Variants in TTC28 observed in about 807,000 individuals in gnomAD.
TTC28 encodes tetratricopeptide repeat protein 28.
A neutral mutation model predicts 198.0 loss-of-function variants in TTC28; 61 were observed. The ratio of observed to expected loss-of-function variants is 0.31; its 90% CI spans 0.25 to 0.38. The LOEUF is 0.38. Among genes scored for constraint, TTC28 ranks in the 10% least tolerant of loss-of-function variants. The probability of loss-of-function intolerance (pLI) is 1.00; values close to 1 mark genes in which losing one functional copy is unlikely to be tolerated. For synonymous variants in TTC28, 1,171 were observed against 1,297.8 expected, an observed-to-expected ratio of 0.90 and a Z score of 2.10; for missense variants, 2,678 against 3,164.0, an observed-to-expected ratio of 0.85 and a Z score of 3.69.
chr22:28,139,130 T>C (rs1227926387), intron 6 of TTC28, among the ~76,000 whole-genome samples: 1 of 152,112 alleles, frequency 6.6e-6, no homozygotes, highest in Non-Finnish European at 1.5e-5. Context: ...AACAAACACA[T>C]TTAATGATGC....
intron 12 of TTC28, among the ~76,000 whole-genome samples, chr22:28,045,028 CTTG>C (rs764328597): frequency 4.6e-5 from 7 of 152,138 alleles, no homozygotes; most frequent in Non-Finnish European, 1.0e-4. Context: ...GGCCCCATTA[CTTG>C]TTGTCTTATT....
intron 14 of TTC28, among the ~76,000 whole-genome samples, chr22:28,003,396 G>A (rs994031629): frequency 6.6e-6 from 1 of 152,192 alleles, no homozygotes. Context: ...AATGGGTAGT[G>A]TGGGGCTTGA....
Position 28,534,389 on chromosome 22 carries a change from C to T in TTC28, c.381+95163G>A, listed in dbSNP as rs566351011. ...TACCATCTCACACCAGTTAGAATGGCGATCATTAAAAAGTCAGGAAACAAC... is the reference window on the plus strand; with the variant it reads ...TACCATCTCACACCAGTTAGAATGGTGATCATTAAAAAGTCAGGAAACAAC... On this transcript the variant is annotated intron_variant, in intron 2 of 22. Transcript: ENST00000397906. Among the ~76,000 whole-genome samples the T allele has an allele frequency of 4.2e-4, 64 of 152,200 alleles. No homozygotes were observed. In the South Asian group the frequency reaches 0.012, roughly 30 times the overall value.
chr22:28,512,007 G>C (rs372361594), intron 2 of TTC28, among the ~76,000 whole-genome samples: 1 of 151,714 alleles, frequency 6.6e-6, no homozygotes, highest in Non-Finnish European at 1.5e-5. Context: ...CGGAGTGAAC[G>C]GAAAACCTAC....
At chr22:28,618,924 G>C (rs967392607) in intron 2 of TTC28, among the ~76,000 whole-genome samples, 1 of 151,962 alleles carries the variant, frequency 6.6e-6, no homozygotes, top group Non-Finnish European at 1.5e-5. Context: ...AATAGGATCT[G>C]ATAAACTATT....
chr22:28,142,735 A>T (rs1601377332), intron 6 of TTC28, among the ~76,000 whole-genome samples: 1 of 152,200 alleles, frequency 6.6e-6, no homozygotes, highest in Non-Finnish European at 1.5e-5. Flanking sequence ...CTTTTCTGAC[A>T]TGCCTTGTCC....
At chr22:28,459,047 T>C (rs982753284) in intron 2 of TTC28, among the ~76,000 whole-genome samples, 7 of 151,960 alleles carry the variant, frequency 4.6e-5, no homozygotes, top group African/African-American at 1.7e-4. Context: ...GTGTGTGTGT[T>C]GACAGAGGGG....
intron 12 of TTC28, among the ~76,000 whole-genome samples, chr22:28,071,497 C>T (rs1940965341): frequency 6.7e-6 from 1 of 148,596 alleles, no homozygotes; most frequent in Non-Finnish European, 1.5e-5. Flanking sequence ...AAACCAAACA[C>T]CGCATATTCT....
chr22:28,528,123 A>T (rs953797226), intron 2 of TTC28, among the ~76,000 whole-genome samples: 2 of 152,230 alleles, frequency 1.3e-5, no homozygotes, highest in Admixed American at 1.3e-4. Context: ...AAACCACAGC[A>T]ATGGGGTAGA....
intron 2 of TTC28, among the ~76,000 whole-genome samples, chr22:28,434,654 C>G (rs899918734): frequency 1.3e-5 from 2 of 152,204 alleles, no homozygotes; most frequent in Non-Finnish European, 2.9e-5. Context: ...AAACAACAGT[C>G]TTACTTATGC....
intron 2 of TTC28, among the ~76,000 whole-genome samples, chr22:28,396,426 T>C (rs962469691): frequency 1.3e-5 from 2 of 152,240 alleles, no homozygotes; most frequent in African/African-American, 2.4e-5. Context: ...TTCTGAGTAA[T>C]CAGTTTGTGG....
chr22:28,526,163 C>T (rs2054661219), intron 2 of TTC28, among the ~76,000 whole-genome samples: 1 of 152,154 alleles, frequency 6.6e-6, no homozygotes, highest in African/African-American at 2.4e-5. Context: ...CCTCTTCAAA[C>T]TTCAATATTC....
chr22:28,410,472 C>T (rs1470628580), intron 2 of TTC28, among the ~76,000 whole-genome samples: 1 of 152,052 alleles, frequency 6.6e-6, no homozygotes, highest in East Asian at 1.9e-4. Context: ...CAGAAACATG[C>T]TAAATAATGA....
intron 13 of TTC28, among the ~76,000 whole-genome samples, chr22:28,017,710 C>T (rs567359903): frequency 2.5e-4 from 38 of 152,250 alleles, no homozygotes; most frequent in African/African-American, 9.1e-4. Flanking sequence ...GTACCTCTTA[C>T]CTCTTTAAAC....
At chr22:28,491,627 T>C (rs1480355760) in intron 2 of TTC28, among the ~76,000 whole-genome samples, 6 of 152,126 alleles carry the variant, frequency 3.9e-5, no homozygotes, top group Non-Finnish European at 8.8e-5. Flanking sequence ...CTGGAGAGGA[T>C]GTGGAGAAAC....
intron 2 of TTC28, among the ~76,000 whole-genome samples, chr22:28,547,135 T>C (rs1473008624): frequency 6.6e-6 from 1 of 152,212 alleles, no homozygotes; most frequent in Non-Finnish European, 1.5e-5. Flanking sequence ...TAAATGGATG[T>C]TTTATAATAT....
chr22:28,404,116 T>C (rs1456292814), intron 2 of TTC28, among the ~76,000 whole-genome samples: 1 of 152,092 alleles, frequency 6.6e-6, no homozygotes, highest in Non-Finnish European at 1.5e-5. Context: ...ATATGTTTTT[T>C]GTTTGTTTGT....
At chr22:28,188,860 C>T (rs1310875146) in intron 5 of TTC28, among the ~76,000 whole-genome samples, 1 of 152,096 alleles carries the variant, frequency 6.6e-6, no homozygotes, top group African/African-American at 2.4e-5. Flanking sequence ...GCATTGAAAC[C>T]ATCTGTGAAC....
Position 28,012,076 on chromosome 22 carries a change from G to C in TTC28, c.4218+2172C>G, listed in dbSNP as rs554483213. Among the ~76,000 whole-genome samples, 12 of 152,304 alleles carry C rather than the reference G, an allele frequency of 7.9e-5. No homozygotes were observed. In the East Asian group the frequency reaches 2.3e-3, roughly 29 times the overall value. The stretch of plus-strand genomic sequence containing the variant: ...GATCCCTGGGAAATGCAGGCCTCAG[G>C]GCGAGCAGGAGGGAAGGCTGGTAGT... On this transcript the variant is annotated intron_variant, in intron 14 of 22. Transcript: ENST00000397906.
Sources: gnomAD v4.1 joint callset for allele counts (sites outside exome capture counted in the v4.1 genomes callset) on GRCh38, gnomAD v4.1.1 for gene constraint, MANE v1.5 for transcripts, NCBI Gene and HGNC (gene_info 2026-07-23, HGNC 2026-07-21) for gene names.